Variants in RAVER2 observed in about 807,000 individuals in gnomAD.
RAVER2 encodes ribonucleoprotein PTB-binding 2.
A neutral mutation model predicts 78.1 loss-of-function variants in RAVER2; 46 were observed. The observed-to-expected ratio is 0.59, with a 90% CI of 0.46 to 0.75. The LOEUF (loss-of-function observed/expected upper bound fraction) is 0.75. Among genes scored for constraint, RAVER2 ranks in the 30% least tolerant of loss-of-function variants. The pLI is 0.00. For synonymous variants in RAVER2, 311 were observed against 313.3 expected (o/e 0.99, Z 0.08); for missense variants, 793 against 837.5 (o/e 0.95, Z 0.66).
At chr1:64,802,484 G>T (rs1329181618) in intron 5 of RAVER2, among the ~76,000 whole-genome samples, 1 of 151,994 alleles carries the variant, frequency 6.6e-6, no homozygotes, top group Non-Finnish European at 1.5e-5. Flanking sequence ...TTCTTTTTAT[G>T]TCTGTGTACA....
intron 8 of RAVER2, among the ~76,000 whole-genome samples, chr1:64,805,756 A>C (rs991328854): frequency 6.6e-5 from 10 of 152,320 alleles, no homozygotes; most frequent in African/African-American, 2.4e-4. Context: ...AAAAAAAGTC[A>C]ATTAAATATG....
chr1:64,818,617 C>G (rs1488486324), intron 11 of RAVER2, among the ~76,000 whole-genome samples: 1 of 152,138 alleles, frequency 6.6e-6, no homozygotes, highest in Non-Finnish European at 1.5e-5. Flanking sequence ...TGACCAAAAG[C>G]AGGCAGAAAC....
At chr1:64,816,828 C>T (rs1653767027) in intron 11 of RAVER2, among the ~76,000 whole-genome samples, 1 of 152,198 alleles carries the variant, frequency 6.6e-6, no homozygotes, top group South Asian at 2.1e-4. Flanking sequence ...CAATACCATT[C>T]AGCACATAGG....
chr1:64,793,489 C>T (rs74080714), intron 5 of RAVER2, among the ~76,000 whole-genome samples: 345 of 152,150 alleles, frequency 2.3e-3, no homozygotes, highest in African/African-American at 8.1e-3. Flanking sequence ...TGTGTGTGTT[C>T]CTAATTTAAC....
chr1:64,767,798 T>C (rs1652213678), intron 1 of RAVER2, among the ~76,000 whole-genome samples: 1 of 152,056 alleles, frequency 6.6e-6, no homozygotes, highest in African/African-American at 2.4e-5. Flanking sequence ...GCAAGTAGTA[T>C]ATAAATATGT....
At chr1:64,817,644 A>G (rs867116428) in intron 11 of RAVER2, among the ~76,000 whole-genome samples, 21 of 151,840 alleles carry the variant, frequency 1.4e-4, no homozygotes, top group South Asian at 1.2e-3. Flanking sequence ...TGAGCAAACT[A>G]TCACAAGGAC....
At chr1:64,812,954 C>A in intron 10 of RAVER2, 105 bp downstream of exon 10, 1 of 652,148 alleles carries the variant, frequency 1.5e-6, no homozygotes, top group Non-Finnish European at 2.4e-6. Flanking sequence ...TACCTATTGA[C>A]CAAATTAAGG....
chr1:64,822,057 G>T (rs1448789282), intron 11 of RAVER2, among the ~76,000 whole-genome samples: 1 of 152,228 alleles, frequency 6.6e-6, no homozygotes, highest in African/African-American at 2.4e-5. Context: ...GGAGGCCATG[G>T]CGGGCGGATC....
At chr1:64,765,516 A>G (rs1652152172) in intron 1 of RAVER2, among the ~76,000 whole-genome samples, 1 of 152,226 alleles carries the variant, frequency 6.6e-6, no homozygotes, top group Admixed American at 6.5e-5. Context: ...GTTTAAAAAT[A>G]GCATAATACC....
At position 64,768,204 on chromosome 1, in the gene RAVER2, G is replaced by C. The variant is rs535796147; in HGVS notation, c.250-452G>C. 2.6e-5 allele frequency among the ~76,000 whole-genome samples: 4 copies of C among 152,056 alleles called. No individual in the cohort carries two copies. The East Asian group carries it at 5.8e-4, about 22-fold the overall frequency. On this transcript the variant is annotated intron_variant, in intron 1 of 11. Coordinates refer to ENST00000294428, the Ensembl canonical transcript of RAVER2. ...ATAAGTATAATACTTATTTCCACAAGAGAGGCATAAATAAAGTTATGACCA... is the reference window on the plus strand; with the variant it reads ...ATAAGTATAATACTTATTTCCACAACAGAGGCATAAATAAAGTTATGACCA...
chr1:64,797,996 A>C (rs1461390117), intron 5 of RAVER2, among the ~76,000 whole-genome samples: 1 of 150,168 alleles, frequency 6.7e-6, no homozygotes, highest in Admixed American at 6.7e-5. Context: ...ATATGTATAC[A>C]TGTGCCACGC....
intron 11 of RAVER2, among the ~76,000 whole-genome samples, chr1:64,817,327 G>A (rs1014353856): frequency 5.3e-5 from 8 of 152,160 alleles, no homozygotes; most frequent in South Asian, 2.1e-4. Flanking sequence ...TAGTTCAACC[G>A]TTGTGAAGTT....
intron 1 of RAVER2, among the ~76,000 whole-genome samples, chr1:64,751,128 C>T (rs942771717): frequency 2.6e-5 from 4 of 152,240 alleles, no homozygotes; most frequent in Non-Finnish European, 5.9e-5. Flanking sequence ...TAATCTATAG[C>T]CCATTTCCCA....
At chr1:64,771,848 G>A (rs1652328781) in intron 2 of RAVER2, among the ~76,000 whole-genome samples, 2 of 148,234 alleles carry the variant, frequency 1.3e-5, no homozygotes, top group South Asian at 4.2e-4. Context: ...GGTGTTCGTG[G>A]AAACAGATAT....
chr1:64,754,502 T>C (rs1201642180), intron 1 of RAVER2, among the ~76,000 whole-genome samples: 1 of 152,206 alleles, frequency 6.6e-6, no homozygotes, highest in Non-Finnish European at 1.5e-5. Context: ...TCAGGATTGA[T>C]TTGTTAATAA....
intron 1 of RAVER2, among the ~76,000 whole-genome samples, chr1:64,756,983 T>C (rs1651872636): frequency 6.6e-6 from 1 of 152,224 alleles, no homozygotes; most frequent in South Asian, 2.1e-4. Flanking sequence ...GTACATGACA[T>C]TAACATGACT....
At chr1:64,754,032 T>C (rs999603388) in intron 1 of RAVER2, among the ~76,000 whole-genome samples, 1 of 152,140 alleles carries the variant, frequency 6.6e-6, no homozygotes, top group African/African-American at 2.4e-5. Context: ...TTCTCTTTCC[T>C]CTGGATGTCT....
At chr1:64,828,067 A>G (rs1654040819) in intron 11 of RAVER2, among the ~76,000 whole-genome samples, 1 of 151,856 alleles carries the variant, frequency 6.6e-6, no homozygotes, top group Non-Finnish European at 1.5e-5. Context: ...GTCACCACCT[A>G]TCTCCTCATG....
intron 2 of RAVER2, among the ~76,000 whole-genome samples, chr1:64,775,864 CA>C (rs1211502649): frequency 6.6e-6 from 1 of 151,648 alleles, no homozygotes; most frequent in African/African-American, 2.4e-5. Flanking sequence ...ACTAAAAATA[CA>C]AAAATTAGCC....
Sources: gnomAD v4.1 joint callset for allele counts (sites outside exome capture counted in the v4.1 genomes callset) on GRCh38, gnomAD v4.1.1 for gene constraint, MANE v1.5 for transcripts, NCBI Gene and HGNC (gene_info 2026-07-23, HGNC 2026-07-21) for gene names.